Variants in AHI1 observed in about 807,000 individuals in gnomAD.
The protein encoded by AHI1 is jouberin.
AHI1 carries 123 observed loss-of-function variants against 149.3 expected under a neutral mutation model. The ratio of observed to expected loss-of-function variants is 0.82; its 90% CI spans 0.71 to 0.96. The LOEUF (loss-of-function observed/expected upper bound fraction) is 0.96. Ranked by LOEUF, AHI1 falls within the 40% of genes least tolerant of loss-of-function variation. AHI1 has a pLI of 0.00. For missense variants in AHI1, 1,439 were observed against 1,422.7 expected, an observed-to-expected ratio of 1.01 and a Z score of -0.18; for synonymous variants, 475 against 459.8, an observed-to-expected ratio of 1.03 and a Z score of -0.42.
chr6:135,299,946 TA>T, intron 27 of AHI1, among the ~76,000 whole-genome samples: 2 of 152,342 alleles, frequency 1.3e-5, no homozygotes, highest in East Asian at 3.9e-4. Flanking sequence ...ATAGGTCCTC[TA>T]AAGTTTTGTG....
rs763944345 is a variant in AHI1, at chr6:135,463,117, T to G, written c.931+8A>C. Reference sequence around the variant, plus strand: ...TACACAATTTTTCATTTAATTTGTATAGCAAACCTGCTTTAGTCTTCTTTT... The same window carrying G: ...TACACAATTTTTCATTTAATTTGTAGAGCAAACCTGCTTTAGTCTTCTTTT... On this transcript the variant is annotated splice_region_variant and intron_variant, in intron 8 of 28. Transcript: ENST00000265602. 3 of 1,567,480 alleles carry G rather than the reference T, an allele frequency of 1.9e-6. No individual in the cohort carries two copies. The highest frequency in any genetic ancestry group is 2.3e-5 in the East Asian group (1 of 44,366).
chr6:135,458,709 A>G (rs993962855), intron 8 of AHI1, among the ~76,000 whole-genome samples: 1 of 152,232 alleles, frequency 6.6e-6, no homozygotes, highest in Non-Finnish European at 1.5e-5. Context: ...TGGGGGCTAC[A>G]GTGACAAAAA....
intron 26 of AHI1, among the ~76,000 whole-genome samples, chr6:135,315,455 G>A (rs150585127): frequency 3.9e-5 from 6 of 152,182 alleles, no homozygotes; most frequent in Admixed American, 1.3e-4. Context: ...CTGATTCTAC[G>A]TCCTTTCCAA....
chr6:135,490,562 A>AG, intron 5 of AHI1, 61 bp downstream of exon 5: 1 of 1,586,074 alleles, frequency 6.3e-7, no homozygotes, highest in East Asian at 2.2e-5. Flanking sequence ...CATAAAATGC[A>AG]GCCATATCTG....
intron 27 of AHI1, among the ~76,000 whole-genome samples, chr6:135,292,623 C>T (rs1218333846): frequency 6.6e-6 from 1 of 152,124 alleles, no homozygotes; most frequent in Admixed American, 6.5e-5. Flanking sequence ...CACTTGAGGC[C>T]CGGAACAGTG....
intron 26 of AHI1, among the ~76,000 whole-genome samples, chr6:135,310,260 AGTGATATTT>A (rs1785015331): frequency 1.2e-5 from 1 of 86,390 alleles, no homozygotes; most frequent in Non-Finnish European, 2.1e-5. Context: ...TTCTCTATAA[AGTGATATTT>A]GAAAAGTGTT....
At chr6:135,488,359 C>A (rs1049052342) in intron 5 of AHI1, among the ~76,000 whole-genome samples, 3 of 152,052 alleles carry the variant, frequency 2.0e-5, no homozygotes, top group African/African-American at 7.2e-5. Context: ...TTCTTCCCAC[C>A]TCGAATTTGT....
chr6:135,484,031 G>A (rs1794113763), intron 5 of AHI1, among the ~76,000 whole-genome samples: 1 of 151,660 alleles, frequency 6.6e-6, no homozygotes. Context: ...ACATGGCTGT[G>A]GCCTCACAAT....
chr6:135,448,504 A>T, intron 11 of AHI1, 29 bp from the exon 12 acceptor site: 1 of 1,397,732 alleles, frequency 7.2e-7, no homozygotes, highest in East Asian at 2.4e-5. Flanking sequence ...ATAAAATGTT[A>T]CCTTCATTGA....
chr6:135,491,947 A>G (rs962057592), intron 4 of AHI1, among the ~76,000 whole-genome samples: 2 of 152,198 alleles, frequency 1.3e-5, no homozygotes, highest in African/African-American at 4.8e-5. Context: ...AAAACATTCA[A>G]TTTTGATGAT....
In AHI1 at chr6:135,465,666, T is replaced by C. The variant is rs1249644805; in HGVS notation, c.749+148A>G. ...GCACCTAGTACATAGTAAGGTGTTATGTAAAAGTTAGCTGTTCTTATCTTA... is the reference window on the plus strand; with the variant it reads ...GCACCTAGTACATAGTAAGGTGTTACGTAAAAGTTAGCTGTTCTTATCTTA... On this transcript the variant is annotated intron_variant, in intron 7 of 28. Coordinates refer to ENST00000265602, the MANE Select transcript of AHI1 (RefSeq NM_001134831.2). 6.1e-5 allele frequency: 34 copies of C among 560,270 alleles called. No homozygotes were observed. The Admixed American group carries it at 1.1e-3, about 19-fold the overall frequency. 34.7% of individuals were successfully genotyped at this position (560,270 alleles called of 1,614,324 possible).
At chr6:135,314,578 T>C (rs1785668412) in intron 26 of AHI1, among the ~76,000 whole-genome samples, 1 of 152,250 alleles carries the variant, frequency 6.6e-6, no homozygotes, top group Non-Finnish European at 1.5e-5. Context: ...CTCTTGACTG[T>C]ATCCCTTACA....
chr6:135,375,423 T>C (rs976871928), intron 23 of AHI1, among the ~76,000 whole-genome samples: 10 of 152,280 alleles, frequency 6.6e-5, no homozygotes, highest in South Asian at 2.1e-4. Context: ...ATGAACAGAA[T>C]AGATTAAAAT....
chr6:135,466,329 T>C lies in AHI1; in HGVS notation c.234A>G (p.Thr78=), dbSNP rs746647225. The C allele has an allele frequency of 6.2e-7, 1 of 1,613,910 alleles. No homozygotes were observed. ...TGTTAGCAGCACTTACATCATCACTTGTAGTTTCTTTAATATGGGGAAGAT... is the reference window on the plus strand; with the variant it reads ...TGTTAGCAGCACTTACATCATCACTCGTAGTTTCTTTAATATGGGGAAGAT... ...RSNLPHIKET[T]SDDVSAANTN... Residue 78 remains threonine (T), a synonymous_variant, in exon 7 of 29, where the codon ACA becomes ACG. Coordinates refer to ENST00000265602, the MANE Select transcript of AHI1 (RefSeq NM_001134831.2).
In AHI1 at chr6:135,384,750, A is replaced by C. The variant is rs548753670; in HGVS notation, c.3109+10026T>G. ...TCAGATAATGAAGTGGATTTTATAAACTTGCACTGGCCCATATGGTACCTG... is the reference window on the plus strand; with the variant it reads ...TCAGATAATGAAGTGGATTTTATAACCTTGCACTGGCCCATATGGTACCTG... On this transcript the variant is annotated intron_variant, in intron 23 of 28. Coordinates refer to ENST00000265602, the MANE Select transcript of AHI1 (RefSeq NM_001134831.2). Among the ~76,000 whole-genome samples the C allele has an allele frequency of 2.6e-5, 4 of 152,278 alleles. No homozygotes were observed. In the South Asian group the frequency reaches 6.2e-4, roughly 24 times the overall value.
At chr6:135,431,093 G>A in intron 17 of AHI1, 115 bp downstream of exon 17, 1 of 655,204 alleles carries the variant, frequency 1.5e-6, no homozygotes. Flanking sequence ...AAGAAAAACT[G>A]TTAATTTTTT....
rs1449170741 is a variant in AHI1, at chr6:135,448,361, A to C, written c.1555T>G (p.Ser519Ala). Residue 519 changes from serine (S) to alanine (A), a missense_variant, in exon 12 of 29, where the codon TCA becomes GCA. Physicochemically the swap from Ser to Ala is moderately conservative, Grantham distance 99. Transcript: ENST00000265602. Reference sequence around the variant, plus strand: ...GGGTAATGATTTCTTGGACATTTTGACCACCATTCAAATGCCTCAACAACA... The same window carrying C: ...GGGTAATGATTTCTTGGACATTTTGCCCACCATTCAAATGCCTCAACAACA... ...LSVVEAFEWWSKCPRNHYPST... is the reference protein window; with the variant it reads ...LSVVEAFEWWAKCPRNHYPST... 4.3e-6 allele frequency: 7 copies of C among 1,611,290 alleles called. No homozygotes were observed. The highest frequency in any genetic ancestry group is 5.9e-6 in the Non-Finnish European group (7 of 1,178,274).
intron 23 of AHI1, among the ~76,000 whole-genome samples, chr6:135,381,520 T>C (rs1448004823): frequency 6.6e-6 from 1 of 152,188 alleles, no homozygotes; most frequent in Non-Finnish European, 1.5e-5. Flanking sequence ...ACTAAGATCA[T>C]TATATGACTT....
intron 5 of AHI1, among the ~76,000 whole-genome samples, chr6:135,468,307 C>A (rs9494246): frequency 0.011 from 1,600 of 151,852 alleles, 30 homozygotes; most frequent in African/African-American, 0.035. Context: ...AGGAAAAAAA[C>A]CCCCAGAAAA....
Sources: gnomAD v4.1 joint callset for allele counts (sites outside exome capture counted in the v4.1 genomes callset) on GRCh38, gnomAD v4.1.1 for gene constraint, MANE v1.5 for transcripts, NCBI Gene and HGNC (gene_info 2026-07-23, HGNC 2026-07-21) for gene names.